The following ATXN1 variants were observed in gnomAD, a reference collection of about 807,000 sequenced individuals.
ATXN1 encodes the protein ataxin 1, also known as ataxin-1.
Under a neutral mutation model 56.4 loss-of-function variants are expected in ATXN1, and 8 were observed. That is an observed-to-expected ratio of 0.14 (90% CI 0.08 to 0.26). The LOEUF (loss-of-function observed/expected upper bound fraction) is 0.26. Ranked by LOEUF, ATXN1 falls within the 10% of genes least tolerant of loss-of-function variation. The probability of loss-of-function intolerance (pLI) is 1.00; values close to 1 mark genes in which losing one functional copy is unlikely to be tolerated. For synonymous variants in ATXN1, 514 were observed against 494.6 expected (o/e 1.04, Z -0.52); for missense variants, 987 against 1,106.5 (o/e 0.89, Z 1.53).
At chr6:16,711,010 G>T (rs1487930391) in intron 2 of ATXN1, among the ~76,000 whole-genome samples, 3 of 152,058 alleles carry the variant, frequency 2.0e-5, no homozygotes, top group African/African-American at 7.2e-5. Context: ...AGCCTCCCAA[G>T]GTGCTGGGAT....
chr6:16,396,374 GC>G (rs1269137438), intron 6 of ATXN1, among the ~76,000 whole-genome samples: 1 of 152,088 alleles, frequency 6.6e-6, no homozygotes, highest in East Asian at 1.9e-4. Flanking sequence ...GAGCCCGGGT[GC>G]GCGAAACCAG....
intron 6 of ATXN1, among the ~76,000 whole-genome samples, chr6:16,341,228 T>G (rs1431088941): frequency 6.6e-6 from 1 of 152,220 alleles, no homozygotes; most frequent in African/African-American, 2.4e-5. Flanking sequence ...TTCACTGTGT[T>G]TGTGGTCATG....
chr6:16,564,672 G>C (rs1762185030), intron 4 of ATXN1, among the ~76,000 whole-genome samples: 2 of 152,170 alleles, frequency 1.3e-5, no homozygotes, highest in Non-Finnish European at 2.9e-5. Context: ...TATATATAGA[G>C]AAACAGCTTC....
intron 6 of ATXN1, among the ~76,000 whole-genome samples, chr6:16,409,579 G>A (rs540335775): frequency 6.6e-6 from 1 of 151,768 alleles, no homozygotes; most frequent in Admixed American, 6.6e-5. Context: ...CTTGAACCTG[G>A]GAGGTGGAGG....
intron 5 of ATXN1, among the ~76,000 whole-genome samples, chr6:16,507,232 CATAAA>C (rs1475372050): frequency 6.6e-6 from 1 of 152,084 alleles, no homozygotes; most frequent in Non-Finnish European, 1.5e-5. Context: ...CAGCCAAACT[CATAAA>C]ATAAAGATTT....
At chr6:16,483,827 T>A (rs76863558) in intron 6 of ATXN1, among the ~76,000 whole-genome samples, 1 of 152,244 alleles carries the variant, frequency 6.6e-6, no homozygotes, top group Non-Finnish European at 1.5e-5. Flanking sequence ...TTGATTATGG[T>A]AACTGCATGA....
At chr6:16,625,774 C>T (rs1373943092) in intron 3 of ATXN1, among the ~76,000 whole-genome samples, 1 of 151,492 alleles carries the variant, frequency 6.6e-6, no homozygotes, top group South Asian at 2.1e-4. Context: ...ATGCAGAGTA[C>T]ACATAACTAA....
intron 4 of ATXN1, among the ~76,000 whole-genome samples, chr6:16,547,937 C>T (rs1056516355): frequency 1.1e-4 from 17 of 152,184 alleles, no homozygotes; most frequent in African/African-American, 4.1e-4. Flanking sequence ...CAGTTTAACA[C>T]AGATACCTCC....
intron 6 of ATXN1, among the ~76,000 whole-genome samples, chr6:16,393,688 T>C (rs567411781): frequency 2.0e-5 from 3 of 152,330 alleles, no homozygotes; most frequent in South Asian, 2.1e-4. Context: ...AAACACAAAA[T>C]GCACTACTTA....
intron 6 of ATXN1, among the ~76,000 whole-genome samples, chr6:16,429,393 C>G (rs1369823174): frequency 7.9e-6 from 1 of 126,794 alleles, no homozygotes; most frequent in Non-Finnish European, 1.7e-5. Context: ...AAAAAACAAC[C>G]AGTAGCAATA....
chr6:16,419,331 C>T (rs886691437), intron 6 of ATXN1, among the ~76,000 whole-genome samples: 1 of 152,152 alleles, frequency 6.6e-6, no homozygotes, highest in Non-Finnish European at 1.5e-5. Flanking sequence ...TAAATGTTAT[C>T]TATTCCAATC....
At chr6:16,463,101 A>G (rs1760032713) in intron 6 of ATXN1, among the ~76,000 whole-genome samples, 1 of 152,160 alleles carries the variant, frequency 6.6e-6, no homozygotes, top group Non-Finnish European at 1.5e-5. Flanking sequence ...GGAGTCACTC[A>G]GTTTGCTCCC....
intron 2 of ATXN1, among the ~76,000 whole-genome samples, chr6:16,705,154 T>TG (rs1759380098): frequency 6.6e-6 from 1 of 152,100 alleles, no homozygotes; most frequent in African/African-American, 2.4e-5. Flanking sequence ...TGCTGGGACT[T>TG]GGGGGAGGGC....
Position 16,328,123 on chromosome 6 carries a change from G to A in ATXN1, c.188C>T (p.Ala63Val), listed in dbSNP as rs775327970. ...TAAACCAAGCTCCACCGAGGTCCCT[G>A]CCGGCCCATGCCTCCCGCCCCCGTG... Reference protein sequence around the residue: ...RGHGGGRHGPAGTSVELGLQQ... With the variant: ...RGHGGGRHGPVGTSVELGLQQ... Residue 63 changes from alanine (A) to valine (V), a missense_variant, in exon 7 of 8, where the codon GCA becomes GTA. By Grantham distance (64) the Ala-to-Val change is moderately conservative. Around this residue, in one of 3 missense-constraint regions of ATXN1, gnomAD observed 723 missense variants for 791.7 expected, o/e 0.91. Transcript: ENST00000436367. The surrounding 1 kb of genome is among the most constrained non-coding windows in gnomAD (Gnocchi z 6.2). The A allele has an allele frequency of 5.7e-6, 9 of 1,587,858 alleles. No individual in the cohort carries two copies. The highest frequency in any genetic ancestry group is 7.7e-6 in the Non-Finnish European group (9 of 1,163,634).
chr6:16,354,935 T>G (rs1173325413), intron 6 of ATXN1, among the ~76,000 whole-genome samples: 2 of 152,234 alleles, frequency 1.3e-5, no homozygotes, highest in Non-Finnish European at 2.9e-5. Flanking sequence ...AGCTGGAGAC[T>G]GGCCAGAGGC....
intron 6 of ATXN1, among the ~76,000 whole-genome samples, chr6:16,420,346 C>T (rs1382629159): frequency 6.6e-6 from 1 of 152,158 alleles, no homozygotes; most frequent in African/African-American, 2.4e-5. Context: ...AAATAAACAT[C>T]AAAATGCATT....
chr6:16,737,345 T>C (rs897062443), intron 2 of ATXN1: 1 of 152,216 alleles, frequency 6.6e-6, no homozygotes, highest in Non-Finnish European at 1.5e-5. Context: ...GCTAGTGTAA[T>C]ATTGTAAACC....
At chr6:16,417,200 TA>T (rs1253622951) in intron 6 of ATXN1, among the ~76,000 whole-genome samples, 5 of 151,646 alleles carry the variant, frequency 3.3e-5, no homozygotes, top group South Asian at 2.1e-4. Context: ...CTAGGCTACT[TA>T]AAAAAAAATT....
At chr6:16,347,620 A>T (rs1027928320) in intron 6 of ATXN1, among the ~76,000 whole-genome samples, 3 of 151,948 alleles carry the variant, frequency 2.0e-5, no homozygotes, top group Non-Finnish European at 4.4e-5. Flanking sequence ...GTATCTAGCT[A>T]CTCTGGTGGG....
Sources: gnomAD v4.1 joint callset for allele counts (sites outside exome capture counted in the v4.1 genomes callset) on GRCh38, gnomAD v4.1.1 for gene constraint, gnomAD v4.1.1 regional missense constraint, Gnocchi (gnomAD v3.1) non-coding constraint, MANE v1.5 for transcripts, NCBI Gene and HGNC (gene_info 2026-07-23, HGNC 2026-07-21) for gene names.